EIF4A3: variants seen among roughly 807,000 people sequenced by gnomAD.
EIF4A3 encodes eukaryotic translation initiation factor 4A3.
Under a neutral mutation model 55.6 loss-of-function variants are expected in EIF4A3, and 1 was observed. The ratio of observed to expected loss-of-function variants is 0.02; its 90% CI spans 0.01 to 0.09. The LOEUF (loss-of-function observed/expected upper bound fraction) is 0.09. Ranked by LOEUF, EIF4A3 falls within the 10% of genes least tolerant of loss-of-function variation. EIF4A3 has a pLI of 1.00. For missense variants in EIF4A3, 221 were observed against 540.7 expected (o/e 0.41, Z 5.86); for synonymous variants, 194 against 196.3 (o/e 0.99, Z 0.10).
rs149270835 is a variant in EIF4A3 at position 80,134,550 on chromosome 17, A to C, written c.*940T>G. Among the ~76,000 whole-genome samples, 349 of 152,136 alleles carry C rather than the reference A, an allele frequency of 2.3e-3. 2 individuals are homozygous for C. The highest frequency in any genetic ancestry group is 8.0e-3 in the African/African-American group (332 of 41,522). ...AAAAATTAGAAAAATGAGGCCAGGC[A>C]TGGTGGCTCACACCTGTTATCCCAG... On this transcript the variant is annotated 3_prime_UTR_variant, in exon 12 of 12. Coordinates refer to ENST00000649764, the MANE Select transcript of EIF4A3 (RefSeq NM_014740.4).
chr17:80,142,651 G>A (rs1327946854), intron 2 of EIF4A3, among the ~76,000 whole-genome samples: 1 of 152,264 alleles, frequency 6.6e-6, no homozygotes, highest in African/African-American at 2.4e-5. Context: ...AGGTTGAGGC[G>A]GGACGATTCC....
chr17:80,144,070 G>T, intron 2 of EIF4A3, 102 bp downstream of exon 2: 1 of 1,096,888 alleles, frequency 9.1e-7, no homozygotes, highest in South Asian at 1.2e-5. Flanking sequence ...TGTTGGAACT[G>T]AGCGTGTACA....
At position 80,137,691 on chromosome 17, in the gene EIF4A3, C is replaced by G. The variant is rs1478037086; in HGVS notation, c.868-190G>C. ...AAATGTTGGGGTGCACTCACAAAAC[C>G]CTCTTACTTCATTTTCTCCATATAA... is the stretch of plus-strand genomic sequence containing the variant. On this transcript the variant is annotated intron_variant, in intron 8 of 11. Coordinates refer to ENST00000649764, the MANE Select transcript of EIF4A3 (RefSeq NM_014740.4). 14 of 556,354 alleles carry G rather than the reference C, an allele frequency of 2.5e-5. No individual in the cohort carries two copies. The East Asian group carries it at 3.5e-4, about 14-fold the overall frequency. 34.5% of individuals were successfully genotyped at this position (556,354 alleles called of 1,614,324 possible). A position where few individuals can be genotyped will look rare whatever the true frequency, so the allele number is the denominator to read the frequency against.
Position 80,136,308 on chromosome 17 carries a change from C to G in EIF4A3, c.1011G>C (p.Trp337Cys), listed in dbSNP as rs768076226. The change falls in exon 10 of 12, where the codon TGG becomes TGC. Residue 337 changes from tryptophan (W) to cysteine (C), a missense_variant. Trp to Cys is a radical substitution (Grantham distance 215). Around this residue, in one of 4 missense-constraint regions of EIF4A3, gnomAD observed 93 missense variants for 278.5 expected, o/e 0.33. Coordinates refer to ENST00000649764, the MANE Select transcript of EIF4A3 (RefSeq NM_014740.4). The stretch of plus-strand genomic sequence containing the variant: ...CCTGAGGGACATCCAACCCCCTGGC[C>G]CAGACATCTGTAGAAATAAGCACTC... ...ASRVLISTDVWARGLDVPQVS... is the reference protein window; with the variant it reads ...ASRVLISTDVCARGLDVPQVS... 1 of 1,613,976 alleles carries G rather than the reference C, an allele frequency of 6.2e-7. No individual in the cohort carries two copies. The highest frequency in any genetic ancestry group is 8.5e-7 in the Non-Finnish European group (1 of 1,179,974).
At chr17:80,145,566 G>C (rs115429029) in intron 1 of EIF4A3, among the ~76,000 whole-genome samples, 1 of 152,106 alleles carries the variant, frequency 6.6e-6, no homozygotes, top group African/African-American at 2.4e-5. Flanking sequence ...CTGTCAGAAG[G>C]AAAAGGAAGA....
In EIF4A3 at chr17:80,136,000, C is replaced by G. The variant is rs370320467; in HGVS notation, c.1219+4G>C. 3 of 1,613,538 alleles carry G rather than the reference C, an allele frequency of 1.9e-6. No homozygotes were observed. The highest frequency in any genetic ancestry group is 2.2e-5 in the East Asian group (1 of 44,888). On this transcript the variant is annotated splice_donor_region_variant and intron_variant, in intron 11 of 11. Transcript: ENST00000649764. ...AATTACAGTAGAGCTGGACGATTTC[C>G]TACCGTTCATCGGCATCTCATCAAT...
intron 5 of EIF4A3, 90 bp from the exon 6 acceptor site, chr17:80,139,840 T>A (rs1478579563): frequency 1.1e-5 from 16 of 1,502,202 alleles, no homozygotes; most frequent in Non-Finnish European, 1.5e-5. Flanking sequence ...AAAGAGCTCA[T>A]CATTCCACTG....
At chr17:80,135,608 A>G (rs1478683058) in intron 11 of EIF4A3, 102 bp from the exon 12 acceptor site, 1 of 1,084,400 alleles carries the variant, frequency 9.2e-7, no homozygotes, top group Non-Finnish European at 1.3e-6. Flanking sequence ...CTCAAAACAA[A>G]AAACAGGCCA....
chr17:80,139,720 C>T lies in EIF4A3; in HGVS notation c.536G>A (p.Arg179His). The change falls in exon 6 of 12, where the codon CGT becomes CAT. Residue 179 changes from arginine (R) to histidine (H), a missense_variant. Around this residue, in one of 4 missense-constraint regions of EIF4A3, gnomAD observed 85 missense variants for 205.8 expected, o/e 0.41. Coordinates refer to ENST00000649764, the MANE Select transcript of EIF4A3 (RefSeq NM_014740.4). ...ATCCAAAACCAACATTTTGATAGCACGTGTCCTTAGGCTTCTGCGACGAAT... is the reference window on the plus strand; with the variant it reads ...ATCCAAAACCAACATTTTGATAGCATGTGTCCTTAGGCTTCTGCGACGAAT... ...DMIRRRSLRT[R>H]AIKMLVLDEA... 6.2e-7 allele frequency: 1 copy of T among 1,613,896 alleles called. No individual in the cohort carries two copies. The highest frequency in any genetic ancestry group is 1.7e-5 in the Admixed American group (1 of 59,994).
chr17:80,141,484 A>G, intron 3 of EIF4A3, 103 bp from the exon 4 acceptor site: 1 of 1,182,206 alleles, frequency 8.5e-7, no homozygotes, highest in South Asian at 1.3e-5. Flanking sequence ...TCTCATATTA[A>G]TCATACTTCT....
At chr17:80,137,289 C>T in intron 9 of EIF4A3, 97 bp downstream of exon 9, 3 of 1,067,436 alleles carry the variant, frequency 2.8e-6, no homozygotes, top group Non-Finnish European at 4.0e-6. Flanking sequence ...CTTGGCATCC[C>T]CCCGGGTGTG....
rs2039590506 is a variant in EIF4A3 at position 80,138,379 on chromosome 17, C to T, written c.729-99G>A. ...CCAGGGAGACCCTGGTGGAAAAGGT[C>T]ACACCGTGATATCTGGTGCAGACCC... On this transcript the variant is annotated intron_variant, in intron 7 of 11. Coordinates refer to ENST00000649764, the MANE Select transcript of EIF4A3 (RefSeq NM_014740.4). The T allele has an allele frequency of 2.0e-6, 3 of 1,482,028 alleles. No individual in the cohort carries two copies. In the South Asian group the frequency reaches 3.7e-5, roughly 18 times the overall value. The allele number at this position is 1,482,028 out of a possible 1,614,324, so 91.8% of individuals were successfully genotyped here. A position where few individuals can be genotyped will look rare whatever the true frequency, so the allele number is the denominator to read the frequency against.
At chr17:80,138,061 T>C (rs2039587523) in intron 8 of EIF4A3, 81 bp downstream of exon 8, 11 of 1,546,598 alleles carry the variant, frequency 7.1e-6, no homozygotes, top group Non-Finnish European at 9.7e-6. Context: ...GGCCCTTTAC[T>C]GAAAAATCTT....
chr17:80,144,939 T>A (rs143348300), intron 1 of EIF4A3, among the ~76,000 whole-genome samples: 18 of 152,266 alleles, frequency 1.2e-4, no homozygotes, highest in African/African-American at 4.3e-4. Context: ...TAAAATTTTA[T>A]GTACAAAAAC....
chr17:80,135,162 G>T lies in EIF4A3; in HGVS notation c.*328C>A. On this transcript the variant is annotated 3_prime_UTR_variant, in exon 12 of 12. Transcript: ENST00000649764. ...GGGAGACTGTCTCAAAAAAAAAAAA[G>T]AAAAAGAAAAGAAAAAAAGAAAAGT... 1 of 237,748 alleles carries T rather than the reference G, an allele frequency of 4.2e-6. No individual in the cohort carries two copies. The highest frequency in any genetic ancestry group is 8.0e-6 in the Non-Finnish European group (1 of 124,674). The allele number at this position is 237,748 out of a possible 1,614,324, so 14.7% of individuals were successfully genotyped here. A position where few individuals can be genotyped will look rare whatever the true frequency, so the allele number is the denominator to read the frequency against.
chr17:80,140,315 T>A, intron 4 of EIF4A3, 175 bp from the exon 5 acceptor site: 3 of 143,696 alleles, frequency 2.1e-5, no homozygotes, highest in Non-Finnish European at 2.9e-5. Context: ...TAATTTTGCT[T>A]TTTTTTTTTT....
intron 7 of EIF4A3, 60 bp downstream of exon 7, chr17:80,138,961 A>T (rs1297840847): frequency 1.3e-6 from 2 of 1,594,912 alleles, no homozygotes; most frequent in East Asian, 2.2e-5. Flanking sequence ...AAATTACGAC[A>T]TAAAATCCTT....
chr17:80,144,692 A>G (rs1306586722), intron 1 of EIF4A3, among the ~76,000 whole-genome samples: 1 of 152,168 alleles, frequency 6.6e-6, no homozygotes, highest in South Asian at 2.1e-4. Flanking sequence ...CAACAAAAAA[A>G]CAGGAAAGTC....
At chr17:80,135,592 AG>A in intron 11 of EIF4A3, 86 bp from the exon 12 acceptor site, 1 of 1,270,994 alleles carries the variant, frequency 7.9e-7, no homozygotes. Context: ...ACCTCACAAC[AG>A]ACTTCTCAAA....
Sources: allele counts gnomAD v4.1 joint callset (sites outside exome capture counted in the v4.1 genomes callset), GRCh38; gene constraint gnomAD v4.1.1; regional missense constraint gnomAD v4.1.1; transcripts MANE v1.5; gene names NCBI Gene and HGNC (gene_info 2026-07-23, HGNC 2026-07-21).